LSAMP: variants seen among roughly 807,000 people sequenced by gnomAD.
LSAMP encodes limbic system-associated membrane protein.
LSAMP carries 7 observed loss-of-function variants against 38.6 expected under a neutral mutation model. The ratio of observed to expected loss-of-function variants is 0.18; its 90% CI spans 0.10 to 0.34. LSAMP has a LOEUF of 0.34. LSAMP is among the 10% of genes least tolerant of loss of function. The pLI is 1.00. For synonymous variants in LSAMP, 154 were observed against 166.8 expected, an observed-to-expected ratio of 0.92 and a Z score of 0.59; for missense variants, 313 against 420.0, an observed-to-expected ratio of 0.75 and a Z score of 2.23.
intron 2 of LSAMP, among the ~76,000 whole-genome samples, chr3:116,025,254 T>C (rs937949709): frequency 1.3e-5 from 2 of 152,144 alleles, no homozygotes; most frequent in African/African-American, 2.4e-5. Flanking sequence ...ATTTATTCAA[T>C]GTTTTCAATC....
At chr3:115,831,560 G>C (rs79496650) in intron 6 of LSAMP, among the ~76,000 whole-genome samples, 7,432 of 152,146 alleles carry the variant, frequency 0.049, 221 homozygotes, top group African/African-American at 0.078. Flanking sequence ...TAAACTGATG[G>C]GGAGAAATGT....
chr3:116,296,974 G>C (rs1292380953), intron 1 of LSAMP, among the ~76,000 whole-genome samples: 3 of 152,228 alleles, frequency 2.0e-5, no homozygotes, highest in African/African-American at 4.8e-5. Flanking sequence ...AACATGTTCT[G>C]AATGTCCTCA....
chr3:116,298,831 CT>C (rs1476525381), intron 1 of LSAMP, among the ~76,000 whole-genome samples: 1 of 152,084 alleles, frequency 6.6e-6, no homozygotes, highest in Non-Finnish European at 1.5e-5. Context: ...AGAGTTTCTG[CT>C]TCTGTGCCAG....
At chr3:115,943,194 A>G (rs549052681) in intron 3 of LSAMP, among the ~76,000 whole-genome samples, 3 of 152,284 alleles carry the variant, frequency 2.0e-5, no homozygotes, top group East Asian at 1.9e-4. Flanking sequence ...AGGCAGCAGC[A>G]CTGGACTCGT....
At chr3:116,014,861 G>T (rs1940432027) in intron 3 of LSAMP, among the ~76,000 whole-genome samples, 1 of 152,106 alleles carries the variant, frequency 6.6e-6, no homozygotes, top group Non-Finnish European at 1.5e-5. Context: ...AAACCCATGA[G>T]GTCAGAGTCT....
chr3:115,814,864 C>T (rs1933961822), intron 6 of LSAMP, among the ~76,000 whole-genome samples: 1 of 152,178 alleles, frequency 6.6e-6, no homozygotes, highest in Admixed American at 6.5e-5. Context: ...TACACAGTCT[C>T]CTAAGAATCT....
At chr3:116,270,624 C>T (rs971859735) in intron 1 of LSAMP, among the ~76,000 whole-genome samples, 2 of 152,078 alleles carry the variant, frequency 1.3e-5, no homozygotes, top group African/African-American at 4.8e-5. Flanking sequence ...CAGGGCACTA[C>T]AATTGCTGGA....
intron 2 of LSAMP, among the ~76,000 whole-genome samples, chr3:116,053,034 T>G (rs752204718): frequency 3.3e-5 from 5 of 152,200 alleles, no homozygotes; most frequent in Non-Finnish European, 7.3e-5. Flanking sequence ...TTAAGCCCAG[T>G]GGCACCAGCC....
intron 2 of LSAMP, among the ~76,000 whole-genome samples, chr3:116,081,024 G>C (rs1225192453): frequency 6.6e-6 from 1 of 152,204 alleles, no homozygotes. Context: ...AAGGAAAGGA[G>C]AGCGATTCTG....
intron 3 of LSAMP, among the ~76,000 whole-genome samples, chr3:115,958,052 T>A (rs1035866306): frequency 6.6e-6 from 1 of 152,196 alleles, no homozygotes; most frequent in Non-Finnish European, 1.5e-5. Flanking sequence ...TGTTTTATTT[T>A]TTAGATGAGC....
At chr3:115,956,226 C>G (rs1380188478) in intron 3 of LSAMP, among the ~76,000 whole-genome samples, 1 of 151,376 alleles carries the variant, frequency 6.6e-6, no homozygotes, top group Non-Finnish European at 1.5e-5. Context: ...ACTAGGGTAT[C>G]TGAGGTTATC....
intron 1 of LSAMP, among the ~76,000 whole-genome samples, chr3:116,247,369 G>A (rs2046618043): frequency 6.6e-6 from 1 of 151,952 alleles, no homozygotes; most frequent in South Asian, 2.1e-4. Flanking sequence ...CCTGTCACAC[G>A]GTTTCTTAAT....
At chr3:115,841,264 AG>A (rs199555657) in intron 6 of LSAMP, among the ~76,000 whole-genome samples, 4,084 of 152,318 alleles carry the variant, frequency 0.027, 83 homozygotes, top group Non-Finnish European at 0.038. Flanking sequence ...ATATCAGAAA[AG>A]TAATGTCTCT....
chr3:116,397,662 A>G (rs1212589468), intron 1 of LSAMP, among the ~76,000 whole-genome samples: 1 of 152,188 alleles, frequency 6.6e-6, no homozygotes, highest in African/African-American at 2.4e-5. Context: ...TGAAGAAATG[A>G]ACAGCCTGGT....
intron 1 of LSAMP, among the ~76,000 whole-genome samples, chr3:116,391,591 GGT>G (rs1403202685): frequency 6.6e-6 from 1 of 151,978 alleles, no homozygotes; most frequent in Non-Finnish European, 1.5e-5. Flanking sequence ...AGGGCGCGGG[GGT>G]GGCAAGGAGG....
intron 1 of LSAMP, among the ~76,000 whole-genome samples, chr3:116,412,446 C>G (rs1164953640): frequency 6.6e-6 from 1 of 152,080 alleles, no homozygotes; most frequent in Non-Finnish European, 1.5e-5. Flanking sequence ...TGATCACTCA[C>G]TTGAACTCTC....
At chr3:116,092,654 T>A (rs1396465732) in intron 1 of LSAMP, among the ~76,000 whole-genome samples, 1 of 152,210 alleles carries the variant, frequency 6.6e-6, no homozygotes, top group African/African-American at 2.4e-5. Context: ...CTTCAAACAC[T>A]TTACATCAAG....
intron 4 of LSAMP, among the ~76,000 whole-genome samples, chr3:115,851,723 T>C (rs543157948): frequency 1.3e-5 from 2 of 152,350 alleles, no homozygotes; most frequent in East Asian, 1.9e-4. Context: ...TAGCCACAGC[T>C]GTGTGATGTG....
chr3:116,368,257 G>T (rs139947155), intron 1 of LSAMP: 2 of 152,292 alleles, frequency 1.3e-5, no homozygotes, highest in East Asian at 3.9e-4. Context: ...AATACACAAT[G>T]ATTGAAGACT....
Sources: allele counts gnomAD v4.1 joint callset (sites outside exome capture counted in the v4.1 genomes callset), GRCh38; gene constraint gnomAD v4.1.1; transcripts MANE v1.5; gene names NCBI Gene and HGNC (gene_info 2026-07-23, HGNC 2026-07-21).